The following CDH12 variants were observed in gnomAD, a reference collection of about 807,000 sequenced individuals.
The protein encoded by CDH12 is cadherin-12.
A neutral mutation model predicts 74.1 loss-of-function variants in CDH12; 41 were observed. The observed-to-expected ratio is 0.55, with a 90% CI of 0.43 to 0.72. The LOEUF (loss-of-function observed/expected upper bound fraction) is 0.72, where lower values mean the gene tolerates loss of function less well. Among genes scored for constraint, CDH12 ranks in the 30% least tolerant of loss-of-function variants. The pLI is 0.00. For synonymous variants in CDH12, 399 were observed against 355.0 expected, an observed-to-expected ratio of 1.12 and a Z score of -1.39; for missense variants, 945 against 977.2, an observed-to-expected ratio of 0.97 and a Z score of 0.44.
chr5:22,777,387 T>A (rs1747157610), intron 1 of CDH12, among the ~76,000 whole-genome samples: 1 of 152,132 alleles, frequency 6.6e-6, no homozygotes, highest in South Asian at 2.1e-4. Context: ...AGACATAATT[T>A]TTCTCATAAG....
chr5:22,166,082 T>C (rs2150323662), intron 4 of CDH12, among the ~76,000 whole-genome samples: 1 of 152,326 alleles, frequency 6.6e-6, no homozygotes, highest in South Asian at 2.1e-4. Context: ...TCACCACGAA[T>C]TCTTTTTTGT....
At chr5:22,463,106 A>T (rs1047380648) in intron 2 of CDH12, among the ~76,000 whole-genome samples, 1 of 152,182 alleles carries the variant, frequency 6.6e-6, no homozygotes, top group Non-Finnish European at 1.5e-5. Flanking sequence ...CCAAACTAAA[A>T]GGGACAAATG....
intron 1 of CDH12, among the ~76,000 whole-genome samples, chr5:22,752,185 A>G (rs1270165112): frequency 2.6e-5 from 4 of 152,122 alleles, no homozygotes; most frequent in African/African-American, 9.7e-5. Flanking sequence ...GATTTATAAA[A>G]TTTTCCCCAT....
At chr5:21,800,424 G>A (rs376965737) in intron 10 of CDH12, among the ~76,000 whole-genome samples, 12 of 152,122 alleles carry the variant, frequency 7.9e-5, no homozygotes, top group African/African-American at 2.9e-4. Context: ...AGTATTAAAA[G>A]ATGGGGCATT....
At chr5:22,804,967 G>A (rs979132763) in intron 1 of CDH12, among the ~76,000 whole-genome samples, 18 of 152,088 alleles carry the variant, frequency 1.2e-4, no homozygotes, top group Non-Finnish European at 5.9e-5. Context: ...AACTTTAAAG[G>A]TCACCTAGAA....
chr5:22,549,820 G>A lies in CDH12; in HGVS notation c.-522-44456C>T, dbSNP rs149772765. Among the ~76,000 whole-genome samples the A allele has an allele frequency of 2.3e-3, 352 of 152,274 alleles. 1 individual carries two copies. The highest frequency in any genetic ancestry group is 5.9e-3 in the Admixed American group (90 of 15,286). ...AGATTTTACAGAAGAGCAAACAGCT[G>A]AACTGAAAGGGAAATATTTTCCCAA... On this transcript the variant is annotated intron_variant, in intron 1 of 14. Transcript: ENST00000382254.
chr5:21,810,919 C>A (rs1747711236), intron 9 of CDH12, among the ~76,000 whole-genome samples: 1 of 151,994 alleles, frequency 6.6e-6, no homozygotes, highest in African/African-American at 2.4e-5. Context: ...GCTACCAAAT[C>A]ATGTGAACTC....
chr5:22,736,457 T>G (rs1744732244), intron 1 of CDH12, among the ~76,000 whole-genome samples: 1 of 151,818 alleles, frequency 6.6e-6, no homozygotes, highest in Non-Finnish European at 1.5e-5. Context: ...TTTTTAAGAT[T>G]CAAATTTTTA....
At chr5:22,788,999 T>G (rs1275995083) in intron 1 of CDH12, among the ~76,000 whole-genome samples, 1 of 151,986 alleles carries the variant, frequency 6.6e-6, no homozygotes, top group Non-Finnish European at 1.5e-5. Flanking sequence ...AATTAGAAAC[T>G]ACATCTTGCG....
At chr5:22,332,662 G>C (rs1229898324) in intron 3 of CDH12, among the ~76,000 whole-genome samples, 2 of 152,126 alleles carry the variant, frequency 1.3e-5, no homozygotes, top group Admixed American at 1.3e-4. Flanking sequence ...AAAGGATATG[G>C]ACAGGGACTT....
At chr5:22,850,819 G>A (rs900500436) in intron 1 of CDH12, among the ~76,000 whole-genome samples, 1 of 151,974 alleles carries the variant, frequency 6.6e-6, no homozygotes, top group Admixed American at 6.6e-5. Context: ...TGAAAACATG[G>A]CTCACTTTTA....
chr5:22,040,413 C>A (rs1561048246), intron 5 of CDH12, among the ~76,000 whole-genome samples: 1 of 152,030 alleles, frequency 6.6e-6, no homozygotes, highest in African/African-American at 2.4e-5. Context: ...TGAAAACTCC[C>A]CAAGTGTGGG....
intron 2 of CDH12, among the ~76,000 whole-genome samples, chr5:22,425,079 G>T (rs1261260): frequency 0.2 from 15,300 of 77,614 alleles, 1,126 homozygotes; most frequent in African/African-American, 0.39. Context: ...TATATATATA[G>T]AGAGAGAGAG....
At chr5:22,386,277 A>T (rs1741996943) in intron 3 of CDH12, among the ~76,000 whole-genome samples, 1 of 152,178 alleles carries the variant, frequency 6.6e-6, no homozygotes, top group South Asian at 2.1e-4. Flanking sequence ...TGATCCAGTC[A>T]TCTCCCACTA....
At chr5:21,795,926 G>C (rs1746754522) in intron 10 of CDH12, among the ~76,000 whole-genome samples, 1 of 151,998 alleles carries the variant, frequency 6.6e-6, no homozygotes, top group Non-Finnish European at 1.5e-5. Context: ...TTTTACAAAA[G>C]TGTGGTAAAA....
intron 6 of CDH12, among the ~76,000 whole-genome samples, chr5:21,922,925 G>T (rs1390790123): frequency 7.6e-6 from 1 of 131,762 alleles, no homozygotes; most frequent in East Asian, 2.1e-4. Context: ...TAAAAAGAAA[G>T]ATGTGTGTAT....
At chr5:22,822,078 C>T (rs1346290912) in intron 1 of CDH12, among the ~76,000 whole-genome samples, 1 of 152,102 alleles carries the variant, frequency 6.6e-6, no homozygotes, top group East Asian at 1.9e-4. Context: ...AATAATGCTG[C>T]ATATCTACAA....
chr5:22,667,292 T>C (rs568974128), intron 1 of CDH12, among the ~76,000 whole-genome samples: 1 of 152,318 alleles, frequency 6.6e-6, no homozygotes, highest in South Asian at 2.1e-4. Context: ...TCTCTGCAGC[T>C]GGTTGTCCCG....
intron 3 of CDH12, among the ~76,000 whole-genome samples, chr5:22,249,939 G>T (rs916871563): frequency 3.3e-5 from 5 of 152,042 alleles, no homozygotes; most frequent in African/African-American, 9.7e-5. Flanking sequence ...GAATTCCATT[G>T]TAAACAGGGA....
Sources: gnomAD v4.1 joint callset for allele counts (sites outside exome capture counted in the v4.1 genomes callset) on GRCh38, gnomAD v4.1.1 for gene constraint, MANE v1.5 for transcripts, NCBI Gene and HGNC (gene_info 2026-07-23, HGNC 2026-07-21) for gene names.